ATAD2B: variants seen among roughly 807,000 people sequenced by gnomAD.
The protein encoded by ATAD2B is ATPase family AAA domain containing 2B.
ATAD2B carries 40 observed loss-of-function variants against 167.6 expected under a neutral mutation model. The observed-to-expected ratio is 0.24, with a 90% CI of 0.19 to 0.31. ATAD2B has a LOEUF of 0.31. Among genes scored for constraint, ATAD2B ranks in the 10% least tolerant of loss-of-function variants. ATAD2B has a pLI of 1.00. For synonymous variants in ATAD2B, 579 were observed against 596.5 expected, an observed-to-expected ratio of 0.97 and a Z score of 0.43; for missense variants, 1,242 against 1,757.2, an observed-to-expected ratio of 0.71 and a Z score of 5.24.
the ATAD2B span, among the ~76,000 whole-genome samples, chr2:23,732,527 T>G: frequency 6.6e-6 from 1 of 152,198 alleles, no homozygotes; most frequent in Admixed American, 6.5e-5. Context: ...ATCTTATAAA[T>G]TCATGATTAA....
intron 10 of ATAD2B, among the ~76,000 whole-genome samples, chr2:23,865,529 CA>C (rs58309800): frequency 0.011 from 1,034 of 96,470 alleles, 11 homozygotes; most frequent in South Asian, 0.069. Context: ...AACTCCACCT[CA>C]AAAAAAAAAA....
At chr2:23,808,061 A>ATATAT (rs58390367) in intron 18 of ATAD2B, among the ~76,000 whole-genome samples, 12 of 63,228 alleles carry the variant, frequency 1.9e-4, no homozygotes, top group Non-Finnish European at 2.9e-4. Flanking sequence ...AAGTAACTAT[A>ATATAT]AATTATAATA....
In ATAD2B at chr2:23,833,959, C is replaced by T; in HGVS notation, c.1688G>A (p.Arg563His). 1 of 1,607,256 alleles carries T rather than the reference C, an allele frequency of 6.2e-7. No individual in the cohort carries two copies. Among genetic ancestry groups the T allele is most frequent in the Non-Finnish European group, 8.5e-7 (1 of 1,178,338 alleles). ...SIDPALRRPG[R>H]FDREFLFNLP... Reference sequence around the variant, plus strand: ...GTTGAAGAGGAATTCTCTGTCAAAACGACCAGGTCTCCTGAGTGCAGGATC... The same window carrying T: ...GTTGAAGAGGAATTCTCTGTCAAAATGACCAGGTCTCCTGAGTGCAGGATC... Residue 563 changes from arginine to histidine, a missense_variant, in exon 14 of 28, where the codon CGT (arginine) becomes CAT (histidine). This residue lies in a region of ATAD2B where 151 missense variants were observed against 284.1 expected (regional missense o/e 0.53). Coordinates refer to ENST00000238789, the MANE Select transcript of ATAD2B (RefSeq NM_017552.4).
chr2:23,887,758 G>A, intron 4 of ATAD2B, 74 bp downstream of exon 4: 2 of 1,350,390 alleles, frequency 1.5e-6, no homozygotes, highest in Non-Finnish European at 2.0e-6. Flanking sequence ...CGTTGCTTAT[G>A]TTATTTTTTT....
At chr2:23,754,432 A>G in intron 26 of ATAD2B, 125 bp from the exon 27 acceptor site, 1 of 1,189,658 alleles carries the variant, frequency 8.4e-7, no homozygotes, top group Non-Finnish European at 1.2e-6. Context: ...TGAAATTAAA[A>G]GATTTGAGGG....
intron 27 of ATAD2B, among the ~76,000 whole-genome samples, chr2:23,753,454 G>T (rs718138): frequency 2.0e-5 from 3 of 151,882 alleles, no homozygotes; most frequent in African/African-American, 7.3e-5. Flanking sequence ...ATCAACAAAG[G>T]GAGTTGAATT....
chr2:23,882,258 T>G (rs1246113801), intron 6 of ATAD2B, among the ~76,000 whole-genome samples: 2 of 151,590 alleles, frequency 1.3e-5, no homozygotes, highest in Non-Finnish European at 2.9e-5. Flanking sequence ...CTGGAGTGCA[T>G]GATCTTGGCT....
intron 1 of ATAD2B, among the ~76,000 whole-genome samples, chr2:23,914,563 G>A (rs772967812): frequency 1.8e-4 from 28 of 152,192 alleles, no homozygotes; most frequent in East Asian, 7.7e-4. Flanking sequence ...CTCTCGGCCC[G>A]GCGCGGTGGC....
chr2:23,917,226 T>C (rs1415095428), intron 1 of ATAD2B, among the ~76,000 whole-genome samples: 1 of 152,202 alleles, frequency 6.6e-6, no homozygotes, highest in Non-Finnish European at 1.5e-5. Context: ...CATCAAAAAC[T>C]AGGCTCTGGA....
the ATAD2B span, chr2:23,703,989 C>G: frequency 1.8e-6 from 2 of 1,102,378 alleles, no homozygotes; most frequent in East Asian, 2.6e-5. Context: ...TGGCCCTCCC[C>G]CTCCAACCAC....
the ATAD2B span, among the ~76,000 whole-genome samples, chr2:23,740,144 C>T: frequency 6.6e-6 from 1 of 152,198 alleles, no homozygotes; most frequent in Non-Finnish European, 1.5e-5. Flanking sequence ...TGGTACCAAT[C>T]CTTCTGAAAC....
chr2:23,760,202 T>C (rs1292385710), intron 24 of ATAD2B, among the ~76,000 whole-genome samples: 2 of 152,208 alleles, frequency 1.3e-5, no homozygotes, highest in Non-Finnish European at 2.9e-5. Context: ...ATTTTTCTCT[T>C]CCTTATATAA....
the ATAD2B span, chr2:23,690,307 G>C: frequency 2.0e-5 from 3 of 152,332 alleles, no homozygotes; most frequent in South Asian, 6.2e-4. Flanking sequence ...TTATTTTGCA[G>C]AAGAGGAGGC....
chr2:23,868,024 G>A, intron 9 of ATAD2B, 78 bp from the exon 10 acceptor site: 1 of 904,534 alleles, frequency 1.1e-6, no homozygotes, highest in East Asian at 2.4e-5. Flanking sequence ...TACATTCTTT[G>A]ATGTGTCTTC....
the ATAD2B span, chr2:23,685,315 C>T: frequency 6.6e-6 from 1 of 152,220 alleles, no homozygotes; most frequent in African/African-American, 2.4e-5. Context: ...TCAGGGGCCA[C>T]CTTCCAGCTC....
chr2:23,765,933 T>C (rs1214856855), intron 22 of ATAD2B, among the ~76,000 whole-genome samples: 1 of 152,150 alleles, frequency 6.6e-6, no homozygotes, highest in Non-Finnish European at 1.5e-5. Flanking sequence ...TATGTGATTT[T>C]CAGTAAAAAT....
chr2:23,742,071 T>C, the ATAD2B span, among the ~76,000 whole-genome samples: 1 of 152,134 alleles, frequency 6.6e-6, no homozygotes, highest in Non-Finnish European at 1.5e-5. Context: ...CTGGAGAGGA[T>C]GTGGAGAAAT....
intron 1 of ATAD2B, among the ~76,000 whole-genome samples, chr2:23,911,810 ACT>A (rs1702348909): frequency 6.6e-6 from 1 of 151,922 alleles, no homozygotes; most frequent in Non-Finnish European, 1.5e-5. Context: ...CCTTGTCTCT[ACT>A]AAAAATACAA....
the ATAD2B span, among the ~76,000 whole-genome samples, chr2:23,743,006 TAGG>T: frequency 4.0e-5 from 6 of 151,864 alleles, no homozygotes; most frequent in African/African-American, 7.3e-5. Flanking sequence ...ACGAAAGCCT[TAGG>T]AGAAGGAAAC....
Sources: gnomAD v4.1 joint callset for allele counts (sites outside exome capture counted in the v4.1 genomes callset) on GRCh38, gnomAD v4.1.1 for gene constraint, gnomAD v4.1.1 regional missense constraint, MANE v1.5 for transcripts, NCBI Gene and HGNC (gene_info 2026-07-23, HGNC 2026-07-21) for gene names.